Variants in TNPO1 observed in about 807,000 individuals in gnomAD.
TNPO1 encodes transportin-1.
TNPO1 carries 8 observed loss-of-function variants against 119.5 expected under a neutral mutation model. That is an observed-to-expected ratio of 0.07 (90% CI 0.04 to 0.12). The LOEUF (loss-of-function observed/expected upper bound fraction) is 0.12, where lower values mean the gene tolerates loss of function less well. TNPO1 is among the 10% of genes least tolerant of loss of function. The pLI, the probability that TNPO1 is intolerant of heterozygous loss-of-function variation, is 1.00. For synonymous variants in TNPO1, 362 were observed against 363.0 expected (o/e 1.00, Z 0.03); for missense variants, 576 against 1,089.8 (o/e 0.53, Z 6.64).
intron 6 of TNPO1, among the ~76,000 whole-genome samples, chr5:72,868,457 A>AAAAACAAAAAAC (rs1747115182): frequency 6.9e-6 from 1 of 145,742 alleles, no homozygotes; most frequent in Non-Finnish European, 1.5e-5. Flanking sequence ...AAAAAAAAAA[A>AAAAACAAAAAAC]AACACAAAAT....
At position 72,910,287 on chromosome 5, in the gene TNPO1, T is replaced by TA. The variant is rs1236735798; in HGVS notation, c.*1615dup. 1 of 152,660 alleles carries TA rather than the reference T, an allele frequency of 6.6e-6. No individual in the cohort carries two copies. The highest frequency in any genetic ancestry group is 1.5e-5 in the Non-Finnish European group (1 of 68,016). The allele number at this position is 152,660 out of a possible 1,614,324, so 9.5% of individuals were successfully genotyped here. A position where few individuals can be genotyped will look rare whatever the true frequency, so the allele number is the denominator to read the frequency against. ...AGCTTTTCTGTTATTTTTCTCTACTTACATGTATTCCTGTGAATAAATCCT... is the reference window on the plus strand; with the variant it reads ...AGCTTTTCTGTTATTTTTCTCTACTTAACATGTATTCCTGTGAATAAATCCT... On this transcript the variant is annotated 3_prime_UTR_variant, in exon 25 of 25. Transcript: ENST00000337273.
Position 72,909,072 on chromosome 5 carries a change from C to T in TNPO1, c.*399C>T, listed in dbSNP as rs1483789425. 4.0e-5 allele frequency: 7 copies of T among 172,972 alleles called. No individual in the cohort carries two copies. The highest frequency in any genetic ancestry group is 1.3e-4 in the Admixed American group (2 of 15,678). The allele number at this position is 172,972 out of a possible 1,614,324, so 10.7% of individuals were successfully genotyped here. A position where few individuals can be genotyped will look rare whatever the true frequency, so the allele number is the denominator to read the frequency against. The stretch of plus-strand genomic sequence containing the variant: ...ACAAGAAAGAGGAACAATTCTATAG[C>T]GCACAATAAAGGAAACCTAAGAATG... On this transcript the variant is annotated 3_prime_UTR_variant, in exon 25 of 25. Transcript: ENST00000337273.
chr5:72,841,185 A>G (rs986032021), intron 1 of TNPO1, among the ~76,000 whole-genome samples: 1 of 151,238 alleles, frequency 6.6e-6, no homozygotes, highest in African/African-American at 2.4e-5. Context: ...CAATGGCACA[A>G]TCTTGGCTCA....
chr5:72,892,089 T>C (rs1357303585), intron 15 of TNPO1, among the ~76,000 whole-genome samples, 193 bp downstream of exon 15: 1 of 152,102 alleles, frequency 6.6e-6, no homozygotes, highest in Non-Finnish European at 1.5e-5. Flanking sequence ...TCTTATGTTA[T>C]CTACTCTCTA....
At chr5:72,848,876 G>A (rs1042366676) in intron 2 of TNPO1, among the ~76,000 whole-genome samples, 2 of 151,318 alleles carry the variant, frequency 1.3e-5, no homozygotes, top group African/African-American at 4.8e-5. Context: ...GAGCGGCCCG[G>A]GCCCACACAA....
chr5:72,818,686 T>A (rs1165324419), intron 1 of TNPO1, among the ~76,000 whole-genome samples: 1 of 152,186 alleles, frequency 6.6e-6, no homozygotes, highest in African/African-American at 2.4e-5. Flanking sequence ...AATTGTGATA[T>A]TTTTTCCTGA....
At chr5:72,880,210 A>G (rs1300295994) in intron 9 of TNPO1, among the ~76,000 whole-genome samples, 1 of 152,118 alleles carries the variant, frequency 6.6e-6, no homozygotes, top group Non-Finnish European at 1.5e-5. Context: ...AAAAAGCACC[A>G]GTGTAACAAG....
Position 72,867,154 on chromosome 5 carries a change from G to A in TNPO1, c.596+1425G>A, listed in dbSNP as rs113690751. On this transcript the variant is annotated intron_variant, in intron 6 of 24. Transcript: ENST00000337273. Reference sequence around the variant, plus strand: ...CCACTGTGCTCTAGCCTGAGTGATGGAATAAGACCCTGCCTGAAAAAAAAA... The same window carrying A: ...CCACTGTGCTCTAGCCTGAGTGATGAAATAAGACCCTGCCTGAAAAAAAAA... Among the ~76,000 whole-genome samples the A allele has an allele frequency of 6.5e-3, 870 of 134,798 alleles. 5 individuals carry two copies. Among genetic ancestry groups the A allele is most frequent in the Non-Finnish European group, 0.011 (693 of 63,148 alleles). The allele number at this position is 134,798 out of a possible 152,430, so 88.4% of individuals were successfully genotyped here. A position where few individuals can be genotyped will look rare whatever the true frequency, so the allele number is the denominator to read the frequency against.
At chr5:72,869,259 A>G (rs558100250) in intron 6 of TNPO1, among the ~76,000 whole-genome samples, 27 of 152,060 alleles carry the variant, frequency 1.8e-4, no homozygotes, top group Non-Finnish European at 3.8e-4. Context: ...TTTTAAAATA[A>G]TAAATGGCAG....
chr5:72,867,251 TTAATG>T (rs1262690531), intron 6 of TNPO1, among the ~76,000 whole-genome samples: 2 of 152,190 alleles, frequency 1.3e-5, no homozygotes, highest in Non-Finnish European at 2.9e-5. Context: ...ATTTTTCTCT[TTAATG>T]TATATTTGGG....
At chr5:72,898,297 T>C (rs1271756199) in intron 20 of TNPO1, among the ~76,000 whole-genome samples, 1 of 152,166 alleles carries the variant, frequency 6.6e-6, no homozygotes, top group Admixed American at 6.5e-5. Flanking sequence ...TTGAGTGTAA[T>C]GTATATGAAA....
chr5:72,902,163 A>C lies in TNPO1; in HGVS notation c.2514+1090A>C, dbSNP rs917481660. ...CACACAAGAGTTATAAAACTGCCCC[A>C]AAAAAATGCTTTTATAGCAATAACT... On this transcript the variant is annotated intron_variant, in intron 22 of 24. Coordinates refer to ENST00000337273, the MANE Select transcript of TNPO1 (RefSeq NM_002270.4). 1.9e-4 allele frequency among the ~76,000 whole-genome samples: 28 copies of C among 150,618 alleles called. No individual in the cohort carries two copies. In the South Asian group the frequency reaches 2.7e-3, roughly 14 times the overall value.
At chr5:72,865,353 A>G (rs1348824008) in intron 5 of TNPO1, among the ~76,000 whole-genome samples, 1 of 151,932 alleles carries the variant, frequency 6.6e-6, no homozygotes, top group Non-Finnish European at 1.5e-5. Flanking sequence ...GAGGCAGGAG[A>G]GTCACTTGAA....
Position 72,896,464 on chromosome 5 carries a change from T to G in TNPO1, c.2150T>G (p.Phe717Cys). ...GTTTAAATTTTTTTTCTAGCTGATT[T>G]CATGCCAATATTGGGAACCAACCTA... ...FQHVKPCIAD[F>C]MPILGTNLNP... is the part of the protein sequence containing the mutation. Residue 717 changes from phenylalanine to cysteine, a missense_variant, in exon 19 of 25, where the codon TTC becomes TGC. Physicochemically the swap from Phe to Cys is radical, Grantham distance 205 (BLOSUM62 -2). This residue lies in a region of TNPO1 where 162 missense variants were observed against 294.1 expected (regional missense o/e 0.55). Coordinates refer to ENST00000337273, the MANE Select transcript of TNPO1 (RefSeq NM_002270.4). 1 of 1,611,992 alleles carries G rather than the reference T, an allele frequency of 6.2e-7. No individual in the cohort carries two copies. Among genetic ancestry groups the G allele is most frequent in the Non-Finnish European group, 8.5e-7 (1 of 1,179,276 alleles).
chr5:72,861,953 G>A, intron 5 of TNPO1, 39 bp downstream of exon 5: 1 of 1,492,410 alleles, frequency 6.7e-7, no homozygotes, highest in Non-Finnish European at 9.3e-7. Context: ...GGTGTTTTCT[G>A]TTTTTCTTGT....
chr5:72,875,159 T>A (rs1269530443), intron 7 of TNPO1, among the ~76,000 whole-genome samples: 2 of 152,240 alleles, frequency 1.3e-5, no homozygotes, highest in Non-Finnish European at 1.5e-5. Flanking sequence ...TTACTAATTT[T>A]ATGGAACAAC....
chr5:72,881,078 C>G (rs1437653930), intron 9 of TNPO1, among the ~76,000 whole-genome samples: 1 of 151,922 alleles, frequency 6.6e-6, no homozygotes, highest in Non-Finnish European at 1.5e-5. Context: ...TTCCAAGGCC[C>G]TTGACCTCTT....
At chr5:72,827,917 CAA>C (rs111327220) in intron 1 of TNPO1, among the ~76,000 whole-genome samples, 20 of 79,310 alleles carry the variant, frequency 2.5e-4, no homozygotes, top group Non-Finnish European at 2.6e-4. Flanking sequence ...GAGATCCTGC[CAA>C]AAAAAAAAAA....
Position 72,816,677 on chromosome 5 carries a change from A to T in TNPO1, c.-61A>T. ...ATTCTCTTTGTTCCGCAGCCATTTCAGGCCCCGGACAGGAGGCAGTGCCGC... is the reference window on the plus strand; with the variant it reads ...ATTCTCTTTGTTCCGCAGCCATTTCTGGCCCCGGACAGGAGGCAGTGCCGC... On this transcript the variant is annotated 5_prime_UTR_variant, in exon 1 of 25. Transcript: ENST00000337273. 1 of 1,508,240 alleles carries T rather than the reference A, an allele frequency of 6.6e-7. No individual in the cohort carries two copies. Among genetic ancestry groups the T allele is most frequent in the Non-Finnish European group, 8.9e-7 (1 of 1,127,092 alleles). The allele number at this position is 1,508,240 out of a possible 1,614,324, so 93.4% of individuals were successfully genotyped here.
Sources: gnomAD v4.1 joint callset for allele counts (sites outside exome capture counted in the v4.1 genomes callset) on GRCh38, gnomAD v4.1.1 for gene constraint, gnomAD v4.1.1 regional missense constraint, MANE v1.5 for transcripts, NCBI Gene and HGNC (gene_info 2026-07-23, HGNC 2026-07-21) for gene names.